Variants in UBE2E2 observed in about 807,000 individuals in gnomAD.
UBE2E2 encodes ubiquitin conjugating enzyme E2 E2, also known as ubiquitin-conjugating enzyme E2 E2.
UBE2E2 carries 6 observed loss-of-function variants against 24.7 expected under a neutral mutation model. The observed-to-expected ratio is 0.24, with a 90% CI of 0.13 to 0.48. The LOEUF is 0.48. Among genes scored for constraint, UBE2E2 ranks in the 20% least tolerant of loss-of-function variants. The probability of loss-of-function intolerance (pLI) is 0.99; values close to 1 mark genes in which losing one functional copy is unlikely to be tolerated. For missense variants in UBE2E2, 169 were observed against 245.0 expected (o/e 0.69, Z 2.07); for synonymous variants, 104 against 83.6 (o/e 1.24, Z -1.33).
chr3:23,317,590 G>A (rs1694620494), intron 3 of UBE2E2, among the ~76,000 whole-genome samples: 1 of 152,150 alleles, frequency 6.6e-6, no homozygotes, highest in Non-Finnish European at 1.5e-5. Flanking sequence ...AATCAATGGT[G>A]GAAGGCAAGG....
At chr3:23,445,183 CTG>C (rs1250991609) in intron 3 of UBE2E2, among the ~76,000 whole-genome samples, 2 of 152,176 alleles carry the variant, frequency 1.3e-5, no homozygotes, top group East Asian at 1.9e-4. Context: ...TATGTCAACT[CTG>C]TGGTGGCCCA....
rs887785329 is a variant in UBE2E2 at position 23,280,230 on chromosome 3, G to A, written c.227+62918G>A. ...ACTAACCTATAATAACCTATTTTGG[G>A]GAAGTGTTTTTATTAACCCTTTTAT... On this transcript the variant is annotated intron_variant, in intron 3 of 5. Transcript: ENST00000396703. The surrounding 1 kb of genome is among the most constrained non-coding windows in gnomAD (Gnocchi z 4.3). Among the ~76,000 whole-genome samples the A allele has an allele frequency of 1.3e-5, 2 of 152,144 alleles. No individual in the cohort carries two copies. Among genetic ancestry groups the A allele is most frequent in the Admixed American group, 1.3e-4 (2 of 15,276 alleles).
At chr3:23,560,577 C>T (rs34368478) in intron 5 of UBE2E2, among the ~76,000 whole-genome samples, 43,392 of 150,812 alleles carry the variant, frequency 0.29, 6,702 homozygotes, top group East Asian at 0.5. Flanking sequence ...TTTGGGTATA[C>T]GCCCAGTAAT....
Position 23,544,766 on chromosome 3 carries a change from T to G in UBE2E2, c.508+12065T>G, listed in dbSNP as rs988832705. 3.3e-5 allele frequency among the ~76,000 whole-genome samples: 5 copies of G among 152,214 alleles called. No homozygotes were observed. In the South Asian group the frequency reaches 1.0e-3, roughly 32 times the overall value. ...CAGAGACAAAGTATAGAGAAAGAAA[T>G]AAGGGGACCCAGGGAACCAGCGTTC... On this transcript the variant is annotated intron_variant, in intron 5 of 5. Coordinates refer to ENST00000396703, the MANE Select transcript of UBE2E2 (RefSeq NM_152653.4).
At chr3:23,389,895 A>C (rs1014747829) in intron 3 of UBE2E2, 4 of 157,876 alleles carry the variant, frequency 2.5e-5, no homozygotes, top group African/African-American at 7.2e-5. Context: ...CAGGTGCCTG[A>C]ACAGCTGCTT....
chr3:23,206,246 A>G (rs951909865), intron 1 of UBE2E2, among the ~76,000 whole-genome samples: 1 of 152,166 alleles, frequency 6.6e-6, no homozygotes, highest in Non-Finnish European at 1.5e-5. Context: ...ATATGCCATT[A>G]TGTACATACT....
At chr3:23,427,630 A>G (rs2125397329) in intron 3 of UBE2E2, among the ~76,000 whole-genome samples, 1 of 152,330 alleles carries the variant, frequency 6.6e-6, no homozygotes, top group African/African-American at 2.4e-5. Context: ...GATTGTCAGC[A>G]TGGATGAGAA....
intron 3 of UBE2E2, among the ~76,000 whole-genome samples, chr3:23,351,607 T>C (rs1559357765): frequency 1.3e-5 from 2 of 152,204 alleles, no homozygotes; most frequent in East Asian, 3.9e-4. Context: ...AAACAGACTT[T>C]AAACCAACAA....
At chr3:23,408,350 A>T (rs1354889100) in intron 3 of UBE2E2, among the ~76,000 whole-genome samples, 1 of 152,042 alleles carries the variant, frequency 6.6e-6, no homozygotes, top group Non-Finnish European at 1.5e-5. Flanking sequence ...TTGATAATTT[A>T]TTTGTTTAAA....
intron 3 of UBE2E2, among the ~76,000 whole-genome samples, chr3:23,354,772 C>T (rs1340125236): frequency 2.6e-5 from 4 of 152,226 alleles, no homozygotes; most frequent in Non-Finnish European, 5.9e-5. Context: ...CACTTTTACA[C>T]TGTTGGTGGG....
chr3:23,438,533 G>A (rs1698231912), intron 3 of UBE2E2, among the ~76,000 whole-genome samples: 1 of 152,226 alleles, frequency 6.6e-6, no homozygotes, highest in African/African-American at 2.4e-5. Context: ...GACATTTTCA[G>A]TAGTTGTACG....
chr3:23,352,592 A>G (rs1575580177), intron 3 of UBE2E2, among the ~76,000 whole-genome samples: 3 of 152,362 alleles, frequency 2.0e-5, no homozygotes, highest in Middle Eastern at 6.8e-3. Flanking sequence ...ACCATCAGAG[A>G]ATACTACAAA....
chr3:23,480,906 G>A (rs1020175908), intron 3 of UBE2E2, among the ~76,000 whole-genome samples: 29 of 152,140 alleles, frequency 1.9e-4, no homozygotes, highest in African/African-American at 6.5e-4. Flanking sequence ...AGTAATTGGC[G>A]AAACTGCCTT....
intron 3 of UBE2E2, among the ~76,000 whole-genome samples, chr3:23,456,342 G>A (rs985310099): frequency 3.3e-5 from 5 of 152,286 alleles, no homozygotes; most frequent in African/African-American, 4.8e-5. Flanking sequence ...TCATGATCAC[G>A]AATGTTCTTA....
chr3:23,398,254 A>G (rs1281480448), intron 3 of UBE2E2, among the ~76,000 whole-genome samples: 1 of 145,302 alleles, frequency 6.9e-6, no homozygotes, highest in Non-Finnish European at 1.5e-5. Context: ...CAGAGGTTTC[A>G]GTGAGCTGAG....
At chr3:23,532,126 C>G (rs1422606322) in intron 4 of UBE2E2, among the ~76,000 whole-genome samples, 1 of 151,534 alleles carries the variant, frequency 6.6e-6, no homozygotes, top group Non-Finnish European at 1.5e-5. Context: ...TATTAGTACT[C>G]TCATGCTTTT....
At chr3:23,313,726 T>C (rs1271799848) in intron 3 of UBE2E2, among the ~76,000 whole-genome samples, 1 of 152,114 alleles carries the variant, frequency 6.6e-6, no homozygotes, top group Non-Finnish European at 1.5e-5. Context: ...TGTCTCTTGA[T>C]TGGAGAGTAT....
At chr3:23,316,479 C>T (rs1191795814) in intron 3 of UBE2E2, among the ~76,000 whole-genome samples, 1 of 151,976 alleles carries the variant, frequency 6.6e-6, no homozygotes, top group Non-Finnish European at 1.5e-5. Flanking sequence ...GTGGTGAATG[C>T]TGCCACACTT....
chr3:23,203,934 C>A (rs189146378), intron 1 of UBE2E2, among the ~76,000 whole-genome samples: 4 of 152,174 alleles, frequency 2.6e-5, no homozygotes, highest in African/African-American at 9.6e-5. Flanking sequence ...GCTCCTTCGC[C>A]GCCGCACCCC....
Sources: allele counts gnomAD v4.1 joint callset (sites outside exome capture counted in the v4.1 genomes callset), GRCh38; gene constraint gnomAD v4.1.1; non-coding constraint Gnocchi (gnomAD v3.1); transcripts MANE v1.5; gene names NCBI Gene and HGNC (gene_info 2026-07-23, HGNC 2026-07-21).